The following FHIT variants were observed in gnomAD, a reference collection of about 807,000 sequenced individuals.
FHIT encodes bis(5'-adenosyl)-triphosphatase.
FHIT carries 19 observed loss-of-function variants against 17.9 expected under a neutral mutation model. The ratio of observed to expected loss-of-function variants is 1.06; its 90% CI spans 0.74 to 1.56. The LOEUF is 1.56. Among genes scored for constraint, FHIT ranks in the 40% most tolerant of loss-of-function variants. The pLI is 0.00. For synonymous variants in FHIT, 81 were observed against 69.7 expected (o/e 1.16, Z -0.81); for missense variants, 248 against 189.2 (o/e 1.31, Z -1.82).
intron 7 of FHIT, among the ~76,000 whole-genome samples, chr3:59,951,736 A>C (rs4432588): frequency 0.94 from 142,381 of 152,158 alleles, 66,881 homozygotes; most frequent in East Asian, 1. Flanking sequence ...GATCAATGAT[A>C]ACCATCTCAT....
At chr3:60,486,677 C>A (rs415832) in intron 5 of FHIT, among the ~76,000 whole-genome samples, 36,227 of 152,026 alleles carry the variant, frequency 0.24, 5,022 homozygotes, top group East Asian at 0.48. Context: ...CTTCAAATAT[C>A]AGCTTCAAAG....
chr3:61,003,304 T>G (rs1366287969), intron 3 of FHIT, among the ~76,000 whole-genome samples: 1 of 152,202 alleles, frequency 6.6e-6, no homozygotes, highest in Non-Finnish European at 1.5e-5. Context: ...ACACTGTTAT[T>G]CCTTTGTAAT....
intron 4 of FHIT, among the ~76,000 whole-genome samples, chr3:60,714,513 A>G (rs1415057550): frequency 2.0e-5 from 3 of 152,212 alleles, no homozygotes; most frequent in African/African-American, 7.2e-5. Context: ...TGCAGATGAC[A>G]TGATTGTATA....
chr3:59,750,654 A>C (rs977013234), intron 9 of FHIT: 22 of 221,478 alleles, frequency 9.9e-5, no homozygotes, highest in African/African-American at 4.9e-4. Flanking sequence ...AGCTTTCTAG[A>C]ATGCAAGGAT....
intron 5 of FHIT, among the ~76,000 whole-genome samples, chr3:60,372,440 T>C (rs1309859803): frequency 1.3e-5 from 2 of 152,216 alleles, no homozygotes; most frequent in Non-Finnish European, 1.5e-5. Context: ...ACAGAGTTAA[T>C]GTCATGAGTC....
At chr3:60,453,042 C>T (rs961398139) in intron 5 of FHIT, among the ~76,000 whole-genome samples, 1 of 152,172 alleles carries the variant, frequency 6.6e-6, no homozygotes, top group Non-Finnish European at 1.5e-5. Flanking sequence ...AAAATGAACA[C>T]TTCCTTTAGG....
chr3:59,960,908 G>A (rs1707644809), intron 7 of FHIT, among the ~76,000 whole-genome samples: 1 of 152,140 alleles, frequency 6.6e-6, no homozygotes, highest in South Asian at 2.1e-4. Context: ...ACTCCAAATG[G>A]TCAAATTATC....
intron 3 of FHIT, among the ~76,000 whole-genome samples, chr3:60,925,785 G>C (rs1707568613): frequency 1.3e-5 from 2 of 152,162 alleles, no homozygotes; most frequent in African/African-American, 4.8e-5. Flanking sequence ...AAAGAGTCAA[G>C]ACCCATCAGT....
rs111790856 is a variant in FHIT, at chr3:59,965,378, A to C, written c.280-42964T>G. Among the ~76,000 whole-genome samples, 35 of 152,298 alleles carry C rather than the reference A, an allele frequency of 2.3e-4. No individual in the cohort carries two copies. The South Asian group carries it at 6.2e-3, about 27-fold the overall frequency. On this transcript the variant is annotated intron_variant, in intron 7 of 9. Transcript: ENST00000492590. ...ATTATATACTAAATCTCACAGAACTACATAAATATCTTCTTGCTTGCTTTC... is the reference window on the plus strand; with the variant it reads ...ATTATATACTAAATCTCACAGAACTCCATAAATATCTTCTTGCTTGCTTTC...
intron 5 of FHIT, among the ~76,000 whole-genome samples, chr3:60,135,262 C>G (rs7616798): frequency 1.3e-5 from 2 of 152,024 alleles, no homozygotes; most frequent in East Asian, 3.9e-4. Flanking sequence ...GGTGGTACAG[C>G]GTCACGTCCT....
At chr3:60,899,024 G>A (rs1472080105) in intron 3 of FHIT, among the ~76,000 whole-genome samples, 3 of 152,096 alleles carry the variant, frequency 2.0e-5, no homozygotes, top group Non-Finnish European at 4.4e-5. Flanking sequence ...ACAATAACAT[G>A]CATTTTTTTT....
intron 5 of FHIT, among the ~76,000 whole-genome samples, chr3:60,117,390 G>C (rs1705014298): frequency 1.3e-5 from 2 of 150,548 alleles, no homozygotes. Context: ...ATAGAAAAGA[G>C]GATTTAAATT....
intron 5 of FHIT, among the ~76,000 whole-genome samples, chr3:60,072,995 G>A (rs1424700867): frequency 1.3e-5 from 2 of 152,148 alleles, no homozygotes; most frequent in African/African-American, 2.4e-5. Flanking sequence ...ATACACAGAA[G>A]TTGTGACTGC....
intron 3 of FHIT, among the ~76,000 whole-genome samples, chr3:60,928,264 G>A (rs1276134335): frequency 6.1e-5 from 9 of 148,282 alleles, no homozygotes; most frequent in African/African-American, 2.3e-4. Context: ...CTATGACCCT[G>A]CGAAATCCCC....
chr3:60,394,590 A>G (rs1170648917), intron 5 of FHIT, among the ~76,000 whole-genome samples: 1 of 152,142 alleles, frequency 6.6e-6, no homozygotes, highest in Non-Finnish European at 1.5e-5. Flanking sequence ...AACTGAGTAT[A>G]TGCACCATGG....
intron 3 of FHIT, among the ~76,000 whole-genome samples, chr3:60,906,975 A>G (rs1706461151): frequency 6.6e-6 from 1 of 152,176 alleles, no homozygotes; most frequent in Non-Finnish European, 1.5e-5. Flanking sequence ...GGTAAGAAAC[A>G]ACGTCAGCCC....
At chr3:59,925,716 T>C (rs1705626468) in intron 7 of FHIT, among the ~76,000 whole-genome samples, 1 of 152,196 alleles carries the variant, frequency 6.6e-6, no homozygotes, top group East Asian at 1.9e-4. Flanking sequence ...ACTGTACAGG[T>C]GGTTTTTTCC....
At chr3:59,958,354 G>T (rs1707503580) in intron 7 of FHIT, among the ~76,000 whole-genome samples, 1 of 151,952 alleles carries the variant, frequency 6.6e-6, no homozygotes, top group Non-Finnish European at 1.5e-5. Flanking sequence ...CCTATAAAAG[G>T]ACTGTATAAA....
intron 4 of FHIT, among the ~76,000 whole-genome samples, chr3:60,622,628 G>T (rs908138927): frequency 6.6e-6 from 1 of 152,170 alleles, no homozygotes; most frequent in East Asian, 1.9e-4. Context: ...TGGGCTGATT[G>T]GATGCATGCA....
Sources: allele counts gnomAD v4.1 joint callset (sites outside exome capture counted in the v4.1 genomes callset), GRCh38; gene constraint gnomAD v4.1.1; transcripts MANE v1.5; gene names NCBI Gene and HGNC (gene_info 2026-07-23, HGNC 2026-07-21).